Variants in ARID1B observed in about 807,000 individuals in gnomAD.
ARID1B encodes the protein AT-rich interactive domain-containing protein 1B.
A neutral mutation model predicts 212.3 loss-of-function variants in ARID1B; 30 were observed. The observed-to-expected ratio is 0.14, with a 90% confidence interval of 0.11 to 0.19. ARID1B has a LOEUF of 0.19. ARID1B is among the 10% of genes least tolerant of loss of function. The pLI is 1.00. For synonymous variants in ARID1B, 1,402 were observed against 1,301.7 expected (o/e 1.08, Z -1.66); for missense variants, 2,891 against 3,204.0 (o/e 0.90, Z 2.36).
At chr6:157,087,839 G>C (rs143753507) in intron 5 of ARID1B, among the ~76,000 whole-genome samples, 235 of 151,394 alleles carry the variant, frequency 1.6e-3, no homozygotes, top group Middle Eastern at 0.014. Context: ...CTTGGAGTTT[G>C]AGCCTGAGAA....
chr6:156,901,286 C>A (rs1788908159), intron 2 of ARID1B, 90 bp from the exon 3 acceptor site: 2 of 1,451,460 alleles, frequency 1.4e-6, no homozygotes, highest in South Asian at 1.2e-5. Flanking sequence ...AGCAGAGAAC[C>A]CCCTTCATGT....
intron 2 of ARID1B, among the ~76,000 whole-genome samples, chr6:156,837,986 A>G (rs574065862): frequency 6.6e-6 from 1 of 152,340 alleles, no homozygotes; most frequent in South Asian, 2.1e-4. Context: ...AATTTTGGTC[A>G]CTAGATAAAC....
chr6:157,094,817 C>T lies in ARID1B; in HGVS notation c.2491+9912C>T, dbSNP rs933561622. ...ACATCGGAGGCTCCTGCAGTAACCA[C>T]GCGGAGTGTTGATGGCCGCTTGGAT... is the stretch of plus-strand genomic sequence containing the variant. On this transcript the variant is annotated intron_variant, in intron 5 of 19. Coordinates refer to ENST00000636930, the MANE Select transcript of ARID1B (RefSeq NM_001374828.1). This position sits in a 1 kb window ranked among gnomAD's most constrained non-coding sequence, Gnocchi z 4.3. 3.9e-5 allele frequency among the ~76,000 whole-genome samples: 6 copies of T among 152,090 alleles called. No individual in the cohort carries two copies. The highest frequency in any genetic ancestry group is 1.2e-4 in the African/African-American group (5 of 41,394).
rs75336088 is a variant in ARID1B at position 156,909,789 on chromosome 6, A to C, written c.2136+8264A>C. ...GCTTGAAGATAAACATTTTATTTGC[A>C]GTCGTTGAAAATCATGTTCCCAACA... On this transcript the variant is annotated intron_variant, in intron 3 of 19. Transcript: ENST00000636930. 2.0e-3 allele frequency among the ~76,000 whole-genome samples: 305 copies of C among 152,320 alleles called. 1 individual carries two copies. The highest frequency in any genetic ancestry group is 7.1e-3 in the African/African-American group (297 of 41,576).
chr6:157,154,579 T>G (rs1236753738), intron 8 of ARID1B, among the ~76,000 whole-genome samples: 3 of 137,898 alleles, frequency 2.2e-5, no homozygotes, highest in African/African-American at 6.0e-5. Flanking sequence ...TTTTTTTTTT[T>G]GTTTTTTTTT....
intron 4 of ARID1B, among the ~76,000 whole-genome samples, chr6:157,062,311 C>T (rs1338220172): frequency 6.6e-6 from 1 of 151,998 alleles, no homozygotes; most frequent in Admixed American, 6.6e-5. Context: ...GTCTTCCAGC[C>T]TCAGCCTCCC....
At position 157,208,855 on chromosome 6, in the gene ARID1B, GA is replaced by G. The variant is rs1378652292; in HGVS notation, c.*970del. On this transcript the variant is annotated 3_prime_UTR_variant, in exon 20 of 20. Coordinates refer to ENST00000636930, the MANE Select transcript of ARID1B (RefSeq NM_001374828.1). The stretch of plus-strand genomic sequence containing the variant: ...AGGGCCATATCTCCAAAAAAAGAAA[GA>G]AAAAATACAAAAAACAAAAACAAAA... The G allele has an allele frequency of 5.1e-5, 11 of 215,890 alleles. No individual in the cohort carries two copies. Among genetic ancestry groups the G allele is most frequent in the Non-Finnish European group, 6.3e-5 (7 of 110,616 alleles). 13.4% of individuals were successfully genotyped at this position (215,890 alleles called of 1,614,324 possible). A position where few individuals can be genotyped will look rare whatever the true frequency, so the allele number is the denominator to read the frequency against.
At chr6:156,879,483 T>TC (rs1471516409) in intron 2 of ARID1B, among the ~76,000 whole-genome samples, 1 of 152,228 alleles carries the variant, frequency 6.6e-6, no homozygotes, top group Non-Finnish European at 1.5e-5. Context: ...TGCCCTTTTT[T>TC]CCCTCTGTGA....
At chr6:157,184,608 G>C in intron 13 of ARID1B, 173 bp downstream of exon 13, 4 of 728,442 alleles carry the variant, frequency 5.5e-6, no homozygotes. Flanking sequence ...AGTGTTAAGG[G>C]ATGAGAGAAT....
chr6:157,144,201 G>A (rs1789565005), intron 7 of ARID1B, among the ~76,000 whole-genome samples: 1 of 152,174 alleles, frequency 6.6e-6, no homozygotes, highest in South Asian at 2.1e-4. Context: ...TTGACTCCCA[G>A]TTAAACCCAG....
chr6:156,986,578 G>A (rs1033035279), intron 4 of ARID1B, among the ~76,000 whole-genome samples: 3 of 152,170 alleles, frequency 2.0e-5, no homozygotes, highest in African/African-American at 7.2e-5. Context: ...TGGGACAACA[G>A]AACTTATGTC....
chr6:157,147,544 T>C (rs868610739), intron 7 of ARID1B, among the ~76,000 whole-genome samples: 3 of 1,762 alleles, frequency 1.7e-3, no homozygotes, highest in East Asian at 0.016. Flanking sequence ...GTCCCTCACC[T>C]CCGCCTCCGA....
intron 5 of ARID1B, among the ~76,000 whole-genome samples, chr6:157,093,490 A>G (rs1785414114): frequency 6.6e-6 from 1 of 152,236 alleles, no homozygotes; most frequent in Admixed American, 6.5e-5. Flanking sequence ...ATGGGTTGTC[A>G]TTGACTAATG....
At chr6:156,941,269 G>A (rs561748283) in intron 4 of ARID1B, 3 of 152,340 alleles carry the variant, frequency 2.0e-5, no homozygotes, top group Admixed American at 1.3e-4. Context: ...CAGGGAGGAA[G>A]AGGAGGTTCT....
At chr6:156,826,847 GCA>G (rs1782775597) in intron 1 of ARID1B, among the ~76,000 whole-genome samples, 1 of 152,106 alleles carries the variant, frequency 6.6e-6, no homozygotes, top group African/African-American at 2.4e-5. Flanking sequence ...TCCTGTAAGA[GCA>G]CACTCTCCAG....
At chr6:156,799,805 AC>A in intron 1 of ARID1B, among the ~76,000 whole-genome samples, 1 of 152,218 alleles carries the variant, frequency 6.6e-6, no homozygotes, top group East Asian at 1.9e-4. Context: ...CTATGAAGAT[AC>A]TGGAAAAGCT....
chr6:157,161,431 G>GTATATATATATA lies in ARID1B; in HGVS notation c.3090-5597_3090-5586dup, dbSNP rs199731974. Among the ~76,000 whole-genome samples the GTATATATATATA allele has an allele frequency of 9.4e-4, 131 of 139,400 alleles. 1 individual carries two copies. Among genetic ancestry groups the GTATATATATATA allele is most frequent in the Non-Finnish European group, 6.6e-4 (43 of 64,850 alleles). 91.5% of individuals were successfully genotyped at this position (139,400 alleles called of 152,430 possible). ...TATTTTCTGTTTTGATTGTGTGTGT[G>GTATATATATATA]TATATATATATATATATATATATTT... On this transcript the variant is annotated intron_variant, in intron 8 of 19. Transcript: ENST00000636930.
At chr6:157,070,443 AAAGTT>A in intron 4 of ARID1B, among the ~76,000 whole-genome samples, 1 of 152,354 alleles carries the variant, frequency 6.6e-6, no homozygotes, top group African/African-American at 2.4e-5. Flanking sequence ...ATCTTCAATA[AAAGTT>A]AACACTAAAT....
At chr6:157,041,498 A>T (rs911713770) in intron 4 of ARID1B, among the ~76,000 whole-genome samples, 1 of 152,252 alleles carries the variant, frequency 6.6e-6, no homozygotes, top group Non-Finnish European at 1.5e-5. Context: ...AAGAAATCTT[A>T]CTAATCTAAT....
Sources: allele counts gnomAD v4.1 joint callset (sites outside exome capture counted in the v4.1 genomes callset), GRCh38; gene constraint gnomAD v4.1.1; non-coding constraint Gnocchi (gnomAD v3.1); transcripts MANE v1.5; gene names NCBI Gene and HGNC (gene_info 2026-07-23, HGNC 2026-07-21).